CPXM2: variants seen among roughly 807,000 people sequenced by gnomAD.
CPXM2 encodes inactive carboxypeptidase-like protein X2.
Under a neutral mutation model 86.1 loss-of-function variants are expected in CPXM2, and 66 were observed. The observed-to-expected ratio is 0.77, with a 90% CI of 0.63 to 0.94. The LOEUF is 0.94. CPXM2 is among the 40% of genes least tolerant of loss of function. CPXM2 has a pLI of 0.00. For synonymous variants in CPXM2, 388 were observed against 400.2 expected, an observed-to-expected ratio of 0.97 and a Z score of 0.36; for missense variants, 948 against 1,026.3, an observed-to-expected ratio of 0.92 and a Z score of 1.04.
chr10:123,881,133 C>T (rs1306264906), intron 1 of CPXM2, among the ~76,000 whole-genome samples: 1 of 151,748 alleles, frequency 6.6e-6, no homozygotes, highest in Non-Finnish European at 1.5e-5. Context: ...CACTCCCTCT[C>T]CCTGCTCCAG....
At chr10:123,767,200 C>G in intron 9 of CPXM2, 48 bp from the exon 10 acceptor site, 1 of 1,548,228 alleles carries the variant, frequency 6.5e-7, no homozygotes, top group Non-Finnish European at 8.9e-7. Flanking sequence ...CAGGACAACG[C>G]GGACCCTCTA....
intron 3 of CPXM2, among the ~76,000 whole-genome samples, chr10:123,857,543 G>A (rs1473272458): frequency 7.3e-6 from 1 of 137,552 alleles, no homozygotes; most frequent in Admixed American, 7.9e-5. Flanking sequence ...TGATGCCAGC[G>A]ATGGAAGGCG....
At chr10:123,857,790 G>A (rs963563904) in intron 3 of CPXM2, among the ~76,000 whole-genome samples, 4 of 152,222 alleles carry the variant, frequency 2.6e-5, no homozygotes, top group African/African-American at 7.2e-5. Flanking sequence ...CACCACGCAC[G>A]GGACTCCGCA....
At chr10:123,916,446 A>AC (rs1308971045) in intron 2 of CPXM2, among the ~76,000 whole-genome samples, 1 of 151,780 alleles carries the variant, frequency 6.6e-6, no homozygotes, top group Non-Finnish European at 1.5e-5. Flanking sequence ...CTCCCACCCC[A>AC]CCCCCATTCA....
At chr10:123,836,141 T>C (rs1404847457) in intron 4 of CPXM2, among the ~76,000 whole-genome samples, 1 of 152,106 alleles carries the variant, frequency 6.6e-6, no homozygotes, top group Non-Finnish European at 1.5e-5. Flanking sequence ...GCAACGGGGA[T>C]GGTGCTGAGT....
intron 2 of CPXM2, among the ~76,000 whole-genome samples, chr10:123,910,274 C>T (rs1365426929): frequency 1.3e-5 from 2 of 152,136 alleles, no homozygotes; most frequent in Admixed American, 6.5e-5. Context: ...GTTTTTTTTA[C>T]TCCTTCTCCC....
At chr10:123,798,179 G>A in intron 5 of CPXM2, 53 bp from the exon 6 acceptor site, 1 of 1,487,426 alleles carries the variant, frequency 6.7e-7, no homozygotes, top group East Asian at 2.4e-5. Flanking sequence ...AATTACCAAG[G>A]GATAAAAAGT....
chr10:123,749,829 G>A (rs763824651), intron 13 of CPXM2, among the ~76,000 whole-genome samples: 19 of 152,072 alleles, frequency 1.2e-4, no homozygotes, highest in African/African-American at 4.1e-4. Flanking sequence ...TTTTTGAGAC[G>A]GAGTCTCACT....
intron 4 of CPXM2, among the ~76,000 whole-genome samples, chr10:123,841,264 C>G (rs2134152519): frequency 6.6e-6 from 1 of 152,316 alleles, no homozygotes; most frequent in Non-Finnish European, 1.5e-5. Context: ...CAACATCCCT[C>G]AGGGATGCAG....
intron 2 of CPXM2, among the ~76,000 whole-genome samples, chr10:123,938,790 C>T (rs1211971341): frequency 5.3e-5 from 8 of 152,168 alleles, no homozygotes; most frequent in Non-Finnish European, 7.3e-5. Context: ...AGGGGTCATG[C>T]CAGGCTTTCA....
chr10:123,871,647 C>A (rs1944898245), intron 2 of CPXM2, among the ~76,000 whole-genome samples: 1 of 152,104 alleles, frequency 6.6e-6, no homozygotes, highest in Admixed American at 6.5e-5. Context: ...ATCTTCATGA[C>A]CTTGGGGTGG....
chr10:123,850,278 T>C (rs1169316155), intron 3 of CPXM2, among the ~76,000 whole-genome samples: 1 of 152,132 alleles, frequency 6.6e-6, no homozygotes, highest in African/African-American at 2.4e-5. Context: ...GGAATGAGAG[T>C]GAATCTGTTA....
intron 4 of CPXM2, among the ~76,000 whole-genome samples, chr10:123,827,386 A>G (rs1282600893): frequency 6.6e-6 from 1 of 152,218 alleles, no homozygotes; most frequent in Non-Finnish European, 1.5e-5. Flanking sequence ...AACCTTTACC[A>G]TACTGTCATG....
At chr10:123,858,062 C>A (rs1848777858) in intron 3 of CPXM2, among the ~76,000 whole-genome samples, 1 of 152,238 alleles carries the variant, frequency 6.6e-6, no homozygotes, top group African/African-American at 2.4e-5. Flanking sequence ...GGTGCTGGTG[C>A]TCGGCCCCAC....
chr10:123,771,114 G>A (rs1473346870), intron 7 of CPXM2, 75 bp from the exon 8 acceptor site: 23 of 1,431,784 alleles, frequency 1.6e-5, no homozygotes, highest in Middle Eastern at 3.6e-4. Context: ...CCAAGAAAAC[G>A]GACACCTCTT....
intron 3 of CPXM2, among the ~76,000 whole-genome samples, 194 bp from the exon 4 acceptor site, chr10:123,842,682 T>C (rs1270896358): frequency 1.3e-5 from 2 of 152,202 alleles, no homozygotes; most frequent in African/African-American, 4.8e-5. Context: ...ATCCACAAGT[T>C]GAAAATATTT....
At chr10:123,877,032 T>C (rs1052067594) in intron 2 of CPXM2, among the ~76,000 whole-genome samples, 13 of 152,108 alleles carry the variant, frequency 8.5e-5, no homozygotes, top group African/African-American at 3.1e-4. Flanking sequence ...TCCAATTCCC[T>C]ATAGAGAGAA....
At chr10:123,808,073 A>G (rs1847617105) in intron 4 of CPXM2, among the ~76,000 whole-genome samples, 1 of 152,194 alleles carries the variant, frequency 6.6e-6, no homozygotes, top group Admixed American at 6.5e-5. Flanking sequence ...ATACCTTTGT[A>G]TGATATTACC....
At chr10:123,792,094 C>T (rs1041269014) in intron 6 of CPXM2, among the ~76,000 whole-genome samples, 1 of 152,286 alleles carries the variant, frequency 6.6e-6, no homozygotes, top group East Asian at 1.9e-4. Context: ...GCACCATTAG[C>T]GAGTCACAGA....
Sources: allele counts gnomAD v4.1 joint callset (sites outside exome capture counted in the v4.1 genomes callset), GRCh38; gene constraint gnomAD v4.1.1; transcripts MANE v1.5; gene names NCBI Gene and HGNC (gene_info 2026-07-23, HGNC 2026-07-21).